The following PRKCB variants were observed in gnomAD, a reference collection of about 807,000 sequenced individuals.
PRKCB encodes the protein protein kinase C beta.
In PRKCB, 13 loss-of-function variants were observed where a neutral mutation model predicts 81.5. That is an observed-to-expected ratio of 0.16 (90% CI 0.10 to 0.25). PRKCB has a LOEUF of 0.25. PRKCB is among the 10% of genes least tolerant of loss of function. The probability of loss-of-function intolerance (pLI) is 1.00; values close to 1 mark genes in which losing one functional copy is unlikely to be tolerated. For missense variants in PRKCB, 509 were observed against 875.7 expected, an observed-to-expected ratio of 0.58 and a Z score of 5.29; for synonymous variants, 335 against 321.4, an observed-to-expected ratio of 1.04 and a Z score of -0.45.
At chr16:24,142,537 G>A (rs1751093437) in intron 9 of PRKCB, among the ~76,000 whole-genome samples, 2 of 152,200 alleles carry the variant, frequency 1.3e-5, no homozygotes, top group Admixed American at 1.3e-4. Context: ...GTGAGGGCCA[G>A]GCCTGGCACA....
At chr16:24,034,921 C>G (rs1005205961) in intron 4 of PRKCB, among the ~76,000 whole-genome samples, 2 of 152,202 alleles carry the variant, frequency 1.3e-5, no homozygotes, top group East Asian at 3.9e-4. Context: ...CTCCCCGTCT[C>G]AGACTCTTTC....
Position 23,836,184 on chromosome 16 carries a change from C to T in PRKCB, c.9C>T (p.Asp3=). MA[D]PAAGPPPSEG... ...GGCTCCCCGCGCGCAAGATGGCTGACCCGGCTGCGGGGCCGCCGCCGAGCG... is the reference window on the plus strand; with the variant it reads ...GGCTCCCCGCGCGCAAGATGGCTGATCCGGCTGCGGGGCCGCCGCCGAGCG... The change falls in exon 1 of 17, where the codon GAC becomes GAT. Residue 3 remains aspartate, a synonymous_variant. Coordinates refer to ENST00000643927, the MANE Select transcript of PRKCB (RefSeq NM_002738.7). 6.4e-7 allele frequency: 1 copy of T among 1,562,168 alleles called. No individual in the cohort carries two copies. The highest frequency in any genetic ancestry group is 1.4e-5 in the African/African-American group (1 of 70,174).
In PRKCB at chr16:23,875,576, A is replaced by ATACATATGTATGTATAT. The variant is rs1285468867; in HGVS notation, c.205+38170_205+38171insTACATATGTATGTATAT. 8.1e-3 allele frequency among the ~76,000 whole-genome samples: 75 copies of ATACATATGTATGTATAT among 9,306 alleles called. 23 individuals are homozygous for ATACATATGTATGTATAT. Among genetic ancestry groups the ATACATATGTATGTATAT allele is most frequent in the African/African-American group, 0.028 (65 of 2,328 alleles). 6.1% of individuals were successfully genotyped at this position (9,306 alleles called of 152,430 possible). ...TATATCACACACATGTGTATATCAA[A>ATACATATGTATGTATAT]CACATATGTATATCACACACATATG... is the stretch of plus-strand genomic sequence containing the variant. On this transcript the variant is annotated intron_variant, in intron 2 of 16. Transcript: ENST00000643927.
chr16:24,005,375 T>C (rs138266914), intron 3 of PRKCB, among the ~76,000 whole-genome samples: 3 of 152,358 alleles, frequency 2.0e-5, no homozygotes, highest in African/African-American at 7.2e-5. Context: ...GCCAGACTTG[T>C]TACCTGCAGA....
Position 24,065,239 on chromosome 16 carries a change from C to T in PRKCB, c.530-27552C>T, listed in dbSNP as rs181918437. 4.1e-3 allele frequency among the ~76,000 whole-genome samples: 629 copies of T among 151,602 alleles called. 4 individuals are homozygous for T. The highest frequency in any genetic ancestry group is 5.7e-3 in the Non-Finnish European group (386 of 67,824). The stretch of plus-strand genomic sequence containing the variant: ...ATATTTGAGTCTATATCTACCACTT[C>T]CTATGATTTTTCGTTTGTCCCATGT... On this transcript the variant is annotated intron_variant, in intron 5 of 16. Transcript: ENST00000643927.
At chr16:24,198,505 T>C (rs951539741) in intron 16 of PRKCB, among the ~76,000 whole-genome samples, 6 of 152,176 alleles carry the variant, frequency 3.9e-5, no homozygotes, top group Non-Finnish European at 4.4e-5. Flanking sequence ...TCTTTTCTGC[T>C]TTTTATTTAT....
intron 2 of PRKCB, among the ~76,000 whole-genome samples, chr16:23,946,965 C>T (rs1487418612): frequency 5.9e-5 from 9 of 152,050 alleles, no homozygotes; most frequent in Middle Eastern, 3.4e-3. Context: ...AAGCGATTCT[C>T]TTGCCTTAGC....
Position 24,217,464 on chromosome 16 carries a change from G to T in PRKCB, c.*2648G>T, listed in dbSNP as rs1163554059. The T allele has an allele frequency of 1.0e-6, 1 of 985,340 alleles. No individual in the cohort carries two copies. The highest frequency in any genetic ancestry group is 1.2e-6 in the Non-Finnish European group (1 of 829,950). The allele number at this position is 985,340 out of a possible 1,614,324, so 61.0% of individuals were successfully genotyped here. A position where few individuals can be genotyped will look rare whatever the true frequency, so the allele number is the denominator to read the frequency against. ...AGAATTAATAACCCTCCTTGGATGA[G>T]TGCTACTGTTTTCACATGGCTTCAG... On this transcript the variant is annotated 3_prime_UTR_variant, in exon 17 of 17. Transcript: ENST00000643927.
intron 3 of PRKCB, among the ~76,000 whole-genome samples, chr16:24,015,396 T>G (rs1965263488): frequency 6.6e-6 from 1 of 152,260 alleles, no homozygotes; most frequent in Non-Finnish European, 1.5e-5. Flanking sequence ...CCTGATCTCA[T>G]GCTAAACTCC....
intron 2 of PRKCB, among the ~76,000 whole-genome samples, chr16:23,846,655 A>G (rs1962374671): frequency 6.7e-6 from 1 of 150,138 alleles, no homozygotes; most frequent in Non-Finnish European, 1.5e-5. Context: ...CTATAAACCA[A>G]CTTTTTTTTG....
At chr16:24,000,216 A>G (rs1965014024) in intron 3 of PRKCB, among the ~76,000 whole-genome samples, 2 of 152,230 alleles carry the variant, frequency 1.3e-5, no homozygotes, top group Admixed American at 6.5e-5. Context: ...CCATAGCAGA[A>G]CAGAACCCCT....
chr16:24,113,198 C>T (rs552566601), intron 8 of PRKCB, 129 bp downstream of exon 8: 306 of 613,864 alleles, frequency 5.0e-4, no homozygotes, highest in Middle Eastern at 2.6e-3. Flanking sequence ...TTCCTTCTTC[C>T]TCTCTCTTTT....
intron 2 of PRKCB, among the ~76,000 whole-genome samples, chr16:23,839,055 C>T (rs78866442): frequency 2.6e-5 from 4 of 152,134 alleles, no homozygotes; most frequent in Admixed American, 2.0e-4. Flanking sequence ...TTGCTGAGAT[C>T]GGGGGCGATT....
intron 2 of PRKCB, among the ~76,000 whole-genome samples, chr16:23,943,257 G>A (rs1394704324): frequency 2.6e-5 from 4 of 152,242 alleles, no homozygotes; most frequent in Non-Finnish European, 5.9e-5. Flanking sequence ...AGGCACAGTG[G>A]CTTATGCCTG....
chr16:23,994,956 T>C (rs1215208476), intron 3 of PRKCB, among the ~76,000 whole-genome samples: 1 of 152,232 alleles, frequency 6.6e-6, no homozygotes, highest in Non-Finnish European at 1.5e-5. Flanking sequence ...GATGACATTA[T>C]GCTGATTTGT....
At chr16:24,025,056 G>A (rs1367614865) in intron 3 of PRKCB, among the ~76,000 whole-genome samples, 1 of 152,148 alleles carries the variant, frequency 6.6e-6, no homozygotes, top group Non-Finnish European at 1.5e-5. Flanking sequence ...GGGGAATGAG[G>A]TCAGAGGAGC....
chr16:24,177,570 A>C (rs1288643510), intron 12 of PRKCB, among the ~76,000 whole-genome samples: 2 of 152,238 alleles, frequency 1.3e-5, no homozygotes, highest in Admixed American at 1.3e-4. Flanking sequence ...GGTCATACTT[A>C]CTCAAGACCT....
chr16:24,135,616 C>T (rs1224757111), intron 9 of PRKCB, among the ~76,000 whole-genome samples: 1 of 152,056 alleles, frequency 6.6e-6, no homozygotes, highest in African/African-American at 2.4e-5. Context: ...CCTGGCCTCA[C>T]AGCATCATCT....
At chr16:23,840,904 C>G (rs2141073927) in intron 2 of PRKCB, among the ~76,000 whole-genome samples, 1 of 152,236 alleles carries the variant, frequency 6.6e-6, no homozygotes, top group African/African-American at 2.4e-5. Context: ...TGTTTCCACT[C>G]TGTCTATTTC....
Sources: gnomAD v4.1 joint callset for allele counts (sites outside exome capture counted in the v4.1 genomes callset) on GRCh38, gnomAD v4.1.1 for gene constraint, MANE v1.5 for transcripts, NCBI Gene and HGNC (gene_info 2026-07-23, HGNC 2026-07-21) for gene names.